CUBN: variants seen among roughly 807,000 people sequenced by gnomAD.
CUBN encodes the protein cubilin, also known as 460 kDa receptor.
CUBN carries 282 observed loss-of-function variants against 405.3 expected under a neutral mutation model. That is an observed-to-expected ratio of 0.70 (90% CI 0.63 to 0.77). The LOEUF (loss-of-function observed/expected upper bound fraction) is 0.77, where lower values mean the gene tolerates loss of function less well. Among genes scored for constraint, CUBN ranks in the 30% least tolerant of loss-of-function variants. The pLI, the probability that CUBN is intolerant of heterozygous loss-of-function variation, is 0.00. For synonymous variants in CUBN, 1,684 were observed against 1,617.0 expected (o/e 1.04, Z -0.99); for missense variants, 4,514 against 4,475.2 (o/e 1.01, Z -0.25).
intron 28 of CUBN, among the ~76,000 whole-genome samples, chr10:17,001,037 G>T (rs1833864235): frequency 6.6e-6 from 1 of 152,100 alleles, no homozygotes; most frequent in South Asian, 2.1e-4. Flanking sequence ...CTTCTGGTGC[G>T]TTCGTGATCT....
At chr10:16,900,876 GTCAGTGAGCTTTTA>G (rs769971967) in intron 52 of CUBN, 26 bp from the exon 53 acceptor site, 2 of 1,489,152 alleles carry the variant, frequency 1.3e-6, no homozygotes, top group Non-Finnish European at 9.3e-7. Context: ...GAAAATGGTT[GTCAGTGAGCTTTTA>G]TCAACTGTTA....
intron 36 of CUBN, among the ~76,000 whole-genome samples, chr10:16,940,545 GC>G (rs1842625996): frequency 6.6e-6 from 1 of 152,186 alleles, no homozygotes; most frequent in Non-Finnish European, 1.5e-5. Context: ...TTATAAAGTG[GC>G]GTTTAAGAAT....
At chr10:17,025,792 T>C (rs1448905106) in intron 27 of CUBN, among the ~76,000 whole-genome samples, 1 of 152,104 alleles carries the variant, frequency 6.6e-6, no homozygotes, top group Non-Finnish European at 1.5e-5. Flanking sequence ...CTATGACAAC[T>C]TGGGCATTGT....
At chr10:17,027,861 TTTA>T (rs1480731197) in intron 27 of CUBN, among the ~76,000 whole-genome samples, 1 of 152,240 alleles carries the variant, frequency 6.6e-6, no homozygotes, top group Non-Finnish European at 1.5e-5. Context: ...TAACTAGATT[TTTA>T]TTATTAATTA....
chr10:17,006,715 G>T lies in CUBN; in HGVS notation c.4168+13118C>A, dbSNP rs539558633. Reference sequence around the variant, plus strand: ...CCTCATGCCCACAGGTAGTCAAGAAGGCACTGGCTTACATCCAAACCGAGC... The same window carrying T: ...CCTCATGCCCACAGGTAGTCAAGAATGCACTGGCTTACATCCAAACCGAGC... On this transcript the variant is annotated intron_variant, in intron 28 of 66. Coordinates refer to ENST00000377833, the MANE Select transcript of CUBN (RefSeq NM_001081.4). Among the ~76,000 whole-genome samples the T allele has an allele frequency of 2.0e-5, 3 of 152,292 alleles. No individual in the cohort carries two copies. The South Asian group carries it at 6.2e-4, about 32-fold the overall frequency.
chr10:16,960,781 T>A lies in CUBN; in HGVS notation c.4696-6233A>T, dbSNP rs564590391. ...GAGGTTAGTCACAGGGGGACGGAGG[T>A]CAGCTCGGCTGCTTTCTGGGCAGGC... On this transcript the variant is annotated intron_variant, in intron 31 of 66. Coordinates refer to ENST00000377833, the MANE Select transcript of CUBN (RefSeq NM_001081.4). Among the ~76,000 whole-genome samples the A allele has an allele frequency of 6.6e-5, 10 of 152,102 alleles. No individual in the cohort carries two copies. In the East Asian group the frequency reaches 1.9e-3, roughly 30 times the overall value.
intron 36 of CUBN, among the ~76,000 whole-genome samples, chr10:16,945,767 C>CAAAAAA: frequency 1.2e-5 from 1 of 81,386 alleles, no homozygotes; most frequent in Non-Finnish European, 2.5e-5. Context: ...ACTGTGTCTC[C>CAAAAAA]AAAAAAAAAA....
intron 57 of CUBN, among the ~76,000 whole-genome samples, chr10:16,874,835 G>C (rs1476862067): frequency 2.0e-5 from 3 of 152,126 alleles, no homozygotes. Flanking sequence ...TCATTGACAG[G>C]TTGAGAGAGG....
intron 43 of CUBN, among the ~76,000 whole-genome samples, chr10:16,922,709 A>G (rs1842070365): frequency 6.6e-6 from 1 of 152,110 alleles, no homozygotes; most frequent in African/African-American, 2.4e-5. Flanking sequence ...TTTTCTATGC[A>G]TTCACATCTT....
At position 16,898,997 on chromosome 10, in the gene CUBN, T is replaced by A. The variant is rs1406733754; in HGVS notation, c.8597A>T (p.Lys2866Met). 7 of 1,605,960 alleles carry A rather than the reference T, an allele frequency of 4.4e-6. No individual in the cohort carries two copies. The highest frequency in any genetic ancestry group is 6.0e-6 in the Non-Finnish European group (7 of 1,172,648). ...AATTAAATGAACAAGTGTACTAACC[T>A]TCACGAAGCTATTCTGACATTGTCC... ...GDGQCQNSFVKVWAGTEEVDK... is the reference protein window; with the variant it reads ...GDGQCQNSFVMVWAGTEEVDK... Residue 2866 changes from lysine (K) to methionine (M), a missense_variant and splice_region_variant, in exon 54 of 67, where the codon AAG becomes ATG. Lys to Met is a moderately conservative substitution (Grantham distance 95). Around this residue, in one of 5 missense-constraint regions of CUBN, gnomAD observed 1,186 missense variants for 1,186.9 expected, o/e 1.00. Coordinates refer to ENST00000377833, the MANE Select transcript of CUBN (RefSeq NM_001081.4).
intron 54 of CUBN, among the ~76,000 whole-genome samples, chr10:16,898,381 A>G (rs970310086): frequency 6.6e-6 from 1 of 152,190 alleles, no homozygotes; most frequent in African/African-American, 2.4e-5. Flanking sequence ...TAGGTATGAC[A>G]GACATGAATG....
At chr10:16,867,807 T>C (rs552943552) in intron 59 of CUBN, among the ~76,000 whole-genome samples, 1 of 152,280 alleles carries the variant, frequency 6.6e-6, no homozygotes, top group South Asian at 2.1e-4. Context: ...GGTCTAAAAA[T>C]GTCTTCTTTG....
At chr10:16,888,628 G>A (rs1057053843) in intron 55 of CUBN, 62 bp from the exon 56 acceptor site, 25 of 1,469,982 alleles carry the variant, frequency 1.7e-5, no homozygotes, top group Non-Finnish European at 2.3e-5. Context: ...TTTTGTCCAT[G>A]AAGGAAAGAG....
chr10:17,124,237 A>G (rs1315412418), intron 4 of CUBN, among the ~76,000 whole-genome samples: 1 of 152,028 alleles, frequency 6.6e-6, no homozygotes, highest in Non-Finnish European at 1.5e-5. Flanking sequence ...CATATCTTTC[A>G]CCCTGGTGCT....
At position 16,958,666 on chromosome 10, in the gene CUBN, G is replaced by A. The variant is rs76499928; in HGVS notation, c.4696-4118C>T. Among the ~76,000 whole-genome samples, 60 of 152,276 alleles carry A rather than the reference G, an allele frequency of 3.9e-4. No homozygotes were observed. In the East Asian group the frequency reaches 7.9e-3, roughly 20 times the overall value. The stretch of plus-strand genomic sequence containing the variant: ...GATTTTCTATAAAAATAAAGACAGG[G>A]AGGCAAGTGCTAAGCTATTAAACTA... On this transcript the variant is annotated intron_variant, in intron 31 of 66. Coordinates refer to ENST00000377833, the MANE Select transcript of CUBN (RefSeq NM_001081.4).
chr10:17,008,314 T>C (rs7905870), intron 28 of CUBN, among the ~76,000 whole-genome samples: 93,797 of 145,826 alleles, frequency 0.64, 30,332 homozygotes, highest in African/African-American at 0.76. Flanking sequence ...TATTTAGTCC[T>C]GTGGCTGTAG....
chr10:16,951,807 C>T (rs534521390), intron 33 of CUBN, among the ~76,000 whole-genome samples: 12 of 152,290 alleles, frequency 7.9e-5, no homozygotes, highest in East Asian at 7.7e-4. Context: ...GATAGGTGCG[C>T]GCATTGCATT....
chr10:16,849,408 T>C (rs938346793), intron 60 of CUBN, among the ~76,000 whole-genome samples: 3 of 152,294 alleles, frequency 2.0e-5, no homozygotes, highest in Admixed American at 1.3e-4. Context: ...TTTCTCCTGA[T>C]GGAAGGAAGG....
chr10:17,043,815 A>ATTCACACTTACTCTGCCGGTG lies in CUBN; in HGVS notation c.3829+11_3829+12insCACCGGCAGAGTAAGTGTGAA. On this transcript the variant is annotated intron_variant, in intron 26 of 66. Transcript: ENST00000377833. ...CAGTATACACACTTACTCTGCCGGTATTCACACTTACTCTGCCGGTATTCA... is the reference window on the plus strand; with the variant it reads ...CAGTATACACACTTACTCTGCCGGTATTCACACTTACTCTGCCGGTGTTCACACTTACTCTGCCGGTATTCA... 6 of 1,612,382 alleles carry ATTCACACTTACTCTGCCGGTG rather than the reference A, an allele frequency of 3.7e-6. No individual in the cohort carries two copies. The highest frequency in any genetic ancestry group is 5.1e-6 in the Non-Finnish European group (6 of 1,178,864).
Sources: allele counts gnomAD v4.1 joint callset (sites outside exome capture counted in the v4.1 genomes callset), GRCh38; gene constraint gnomAD v4.1.1; regional missense constraint gnomAD v4.1.1; transcripts MANE v1.5; gene names NCBI Gene and HGNC (gene_info 2026-07-23, HGNC 2026-07-21).